KCNIP4: variants seen among roughly 807,000 people sequenced by gnomAD.
The protein encoded by KCNIP4 is Kv channel-interacting protein 4.
In KCNIP4, 12 loss-of-function variants were observed where a neutral mutation model predicts 34.0. That is an observed-to-expected ratio of 0.35 (90% CI 0.23 to 0.57). The LOEUF is 0.57. Ranked by LOEUF, KCNIP4 falls within the 20% of genes least tolerant of loss-of-function variation. The probability of loss-of-function intolerance (pLI) is 0.83; values close to 1 mark genes in which losing one functional copy is unlikely to be tolerated. For synonymous variants in KCNIP4, 124 were observed against 102.2 expected (o/e 1.21, Z -1.29); for missense variants, 238 against 311.7 (o/e 0.76, Z 1.78).
At chr4:21,565,306 G>A (rs565914392) in intron 1 of KCNIP4, among the ~76,000 whole-genome samples, 2 of 152,156 alleles carry the variant, frequency 1.3e-5, no homozygotes, top group African/African-American at 4.8e-5. Context: ...GTGATCTCTG[G>A]TCTCCCTTCT....
intron 1 of KCNIP4, among the ~76,000 whole-genome samples, chr4:21,670,578 A>T (rs1028361383): frequency 1.3e-5 from 2 of 152,212 alleles, no homozygotes; most frequent in East Asian, 1.9e-4. Context: ...TAATAAAAAA[A>T]AAATCGATCA....
intron 1 of KCNIP4, among the ~76,000 whole-genome samples, chr4:21,213,062 AC>A (rs1757334502): frequency 6.6e-6 from 1 of 152,094 alleles, no homozygotes; most frequent in African/African-American, 2.4e-5. Context: ...AGAAATAATA[AC>A]TAAAGTGAAC....
At chr4:21,869,052 C>A (rs1180269036) in intron 1 of KCNIP4, among the ~76,000 whole-genome samples, 1 of 152,186 alleles carries the variant, frequency 6.6e-6, no homozygotes. Flanking sequence ...TTGACCCTAT[C>A]TATTCCAATC....
chr4:21,206,060 G>A (rs1255722912), intron 1 of KCNIP4, among the ~76,000 whole-genome samples: 2 of 152,142 alleles, frequency 1.3e-5, no homozygotes, highest in African/African-American at 4.8e-5. Flanking sequence ...TTCTCATCCT[G>A]TGGCTTTAAT....
At chr4:21,298,549 T>A (rs2109233327) in intron 1 of KCNIP4, among the ~76,000 whole-genome samples, 1 of 152,174 alleles carries the variant, frequency 6.6e-6, no homozygotes, top group Non-Finnish European at 1.5e-5. Flanking sequence ...CTCTGCCCCA[T>A]CTATTTCCAG....
At chr4:21,260,808 C>T (rs1761419988) in intron 1 of KCNIP4, among the ~76,000 whole-genome samples, 3 of 152,258 alleles carry the variant, frequency 2.0e-5, no homozygotes, top group South Asian at 2.1e-4. Context: ...AAACTCTTTT[C>T]GTTTACAGAG....
chr4:21,158,676 C>A (rs1332982441), intron 1 of KCNIP4, among the ~76,000 whole-genome samples: 1 of 152,096 alleles, frequency 6.6e-6, no homozygotes, highest in Non-Finnish European at 1.5e-5. Flanking sequence ...AAACTTACAG[C>A]TAATTTAATG....
intron 1 of KCNIP4, among the ~76,000 whole-genome samples, chr4:21,249,184 G>A (rs2109072651): frequency 6.6e-6 from 1 of 152,100 alleles, no homozygotes; most frequent in East Asian, 1.9e-4. Context: ...TTATTACATT[G>A]GGTATACTTC....
intron 1 of KCNIP4, among the ~76,000 whole-genome samples, chr4:21,071,356 C>T (rs886066178): frequency 2.0e-5 from 3 of 152,040 alleles, no homozygotes; most frequent in African/African-American, 7.2e-5. Flanking sequence ...ATTATTATTC[C>T]TCCATTAAGT....
chr4:21,269,579 T>A (rs561869352), intron 1 of KCNIP4, among the ~76,000 whole-genome samples: 1 of 152,074 alleles, frequency 6.6e-6, no homozygotes, highest in South Asian at 2.1e-4. Flanking sequence ...CTAATTTTTG[T>A]ATGTTTTGTA....
chr4:21,748,904 T>G (rs944151732), intron 1 of KCNIP4, among the ~76,000 whole-genome samples: 4 of 152,090 alleles, frequency 2.6e-5, no homozygotes, highest in Non-Finnish European at 4.4e-5. Flanking sequence ...AAATGGTAGA[T>G]GGGTGGCATC....
intron 1 of KCNIP4, among the ~76,000 whole-genome samples, chr4:21,454,394 G>T (rs549307010): frequency 6.6e-6 from 1 of 152,056 alleles, no homozygotes; most frequent in Non-Finnish European, 1.5e-5. Context: ...GCATGTAAAA[G>T]CTTGAGAAGG....
At chr4:21,435,696 G>A (rs756969845) in intron 1 of KCNIP4, among the ~76,000 whole-genome samples, 8 of 152,086 alleles carry the variant, frequency 5.3e-5, no homozygotes, top group Non-Finnish European at 8.8e-5. Context: ...ACATTTTCTA[G>A]AAGAATAGGA....
At chr4:21,106,991 A>C (rs1399377845) in intron 1 of KCNIP4, among the ~76,000 whole-genome samples, 3 of 149,230 alleles carry the variant, frequency 2.0e-5, no homozygotes, top group Non-Finnish European at 4.4e-5. Context: ...GTTCTTTTAC[A>C]TTTGCTGAGG....
intron 1 of KCNIP4, among the ~76,000 whole-genome samples, chr4:20,947,617 C>T (rs1228681237): frequency 2.0e-5 from 3 of 152,156 alleles, no homozygotes; most frequent in African/African-American, 7.2e-5. Context: ...ATTATTGCCG[C>T]TGATTAAAAT....
chr4:21,557,691 G>C (rs952896466), intron 1 of KCNIP4, among the ~76,000 whole-genome samples: 2 of 152,100 alleles, frequency 1.3e-5, no homozygotes, highest in Non-Finnish European at 2.9e-5. Context: ...CTTCCATGAA[G>C]GTGCCTTTTG....
chr4:21,756,515 C>T (rs909698071), intron 1 of KCNIP4, among the ~76,000 whole-genome samples: 3 of 149,784 alleles, frequency 2.0e-5, no homozygotes, highest in African/African-American at 7.4e-5. Flanking sequence ...GATTGCACCA[C>T]TGCACTCCAG....
intron 3 of KCNIP4, among the ~76,000 whole-genome samples, chr4:20,774,758 A>AC (rs1756230447): frequency 6.6e-6 from 1 of 152,148 alleles, no homozygotes; most frequent in Non-Finnish European, 1.5e-5. Flanking sequence ...AGGCAAAGGA[A>AC]CCCTGTGTAC....
At chr4:21,103,192 T>C (rs1032725301) in intron 1 of KCNIP4, among the ~76,000 whole-genome samples, 19 of 151,340 alleles carry the variant, frequency 1.3e-4, no homozygotes, top group Non-Finnish European at 8.8e-5. Context: ...CTTTGTGATC[T>C]TGGGTAAACT....
Sources: gnomAD v4.1 joint callset for allele counts (sites outside exome capture counted in the v4.1 genomes callset) on GRCh38, gnomAD v4.1.1 for gene constraint, MANE v1.5 for transcripts, NCBI Gene and HGNC (gene_info 2026-07-23, HGNC 2026-07-21) for gene names.